Variants in ZNF365 observed in about 807,000 individuals in gnomAD.
The protein encoded by ZNF365 is zinc finger protein 365.
ZNF365 carries 22 observed loss-of-function variants against 35.0 expected under a neutral mutation model. The ratio of observed to expected loss-of-function variants is 0.63; its 90% confidence interval spans 0.45 to 0.90. The LOEUF (loss-of-function observed/expected upper bound fraction) is 0.90. Ranked by LOEUF, ZNF365 falls within the 40% of genes least tolerant of loss-of-function variation. The pLI is 0.00. For missense variants in ZNF365, 448 were observed against 500.3 expected, an observed-to-expected ratio of 0.90 and a Z score of 1.00; for synonymous variants, 188 against 196.2, an observed-to-expected ratio of 0.96 and a Z score of 0.35.
chr10:62,465,207 G>C, intron 4 of ZNF365, among the ~76,000 whole-genome samples: 1 of 152,196 alleles, frequency 6.6e-6, no homozygotes, highest in East Asian at 1.9e-4. Flanking sequence ...TCGCAACCTG[G>C]TCAGGTTGCA....
In ZNF365 at chr10:62,402,195, G is replaced by T; in HGVS notation, c.*2406G>T. 3 of 985,982 alleles carry T rather than the reference G, an allele frequency of 3.0e-6. No individual in the cohort carries two copies. The highest frequency in any genetic ancestry group is 3.6e-6 in the Non-Finnish European group (3 of 829,924). The allele number at this position is 985,982 out of a possible 1,614,324, so 61.1% of individuals were successfully genotyped here. ...AAGTTTCTGGGAAACTATGTTCAAGGTTGAAATGGAGAGTAGATTTAATTT... is the reference window on the plus strand; with the variant it reads ...AAGTTTCTGGGAAACTATGTTCAAGTTTGAAATGGAGAGTAGATTTAATTT... On this transcript the variant is annotated 3_prime_UTR_variant, in exon 5 of 5. Transcript: ENST00000395254.
At position 62,400,182 on chromosome 10, in the gene ZNF365, A is replaced by C; in HGVS notation, c.*393A>C. The stretch of plus-strand genomic sequence containing the variant: ...ATTCATCTGTGCCCACTGCTCTCCA[A>C]AGTGCGAGGCAAGGAATGGCAGTGT... On this transcript the variant is annotated 3_prime_UTR_variant, in exon 5 of 5. Coordinates refer to ENST00000395254, the MANE Select transcript of ZNF365 (RefSeq NM_014951.3). 9.9e-7 allele frequency: 1 copy of C among 1,008,092 alleles called. No homozygotes were observed. Among genetic ancestry groups the C allele is most frequent in the Non-Finnish European group, 1.2e-6 (1 of 842,878 alleles). 62.4% of individuals were successfully genotyped at this position (1,008,092 alleles called of 1,614,324 possible).
At chr10:62,426,620 C>T (rs1008460566) in intron 3 of ZNF365, among the ~76,000 whole-genome samples, 4 of 152,030 alleles carry the variant, frequency 2.6e-5, no homozygotes, top group African/African-American at 7.2e-5. Context: ...AGGTAGAAGA[C>T]AGGAGCAAGA....
At chr10:62,434,018 A>G (rs1840370273) in intron 3 of ZNF365, among the ~76,000 whole-genome samples, 1 of 152,096 alleles carries the variant, frequency 6.6e-6, no homozygotes, top group African/African-American at 2.4e-5. Context: ...GTAAATGAAA[A>G]TGTGTGTGTT....
At position 62,388,445 on chromosome 10, in the gene ZNF365, G is replaced by A. The variant is rs763110946; in HGVS notation, c.793G>A (p.Val265Ile). Residue 265 changes from valine to isoleucine, a missense_variant, in exon 3 of 5, where the codon GTT becomes ATT. This residue lies in a region of ZNF365 where 362 missense variants were observed against 375.7 expected (regional missense o/e 0.96). Coordinates refer to ENST00000395254, the MANE Select transcript of ZNF365 (RefSeq NM_014951.3). ...HFLEAAAEKE[V>I]QGKARLQDFI... is the part of the protein sequence containing the mutation. ...CCTGGAAGCGGCAGCTGAGAAGGAG[G>A]TTCAAGGGAAAGCCCGGCTCCAGGA... The A allele has an allele frequency of 5.6e-6, 9 of 1,614,148 alleles. No individual in the cohort carries two copies. The highest frequency in any genetic ancestry group is 4.5e-5 in the East Asian group (2 of 44,904).
At chr10:62,430,296 TCAGCCTC>T (rs1456310603) in intron 3 of ZNF365, among the ~76,000 whole-genome samples, 5 of 133,040 alleles carry the variant, frequency 3.8e-5, no homozygotes, top group African/African-American at 1.4e-4. Context: ...TTCTCCTGCC[TCAGCCTC>T]CTGAGTAGCT....
intron 4 of ZNF365, among the ~76,000 whole-genome samples, chr10:62,479,308 C>A (rs1841183225): frequency 1.3e-5 from 2 of 152,200 alleles, no homozygotes; most frequent in Non-Finnish European, 2.9e-5. Flanking sequence ...CATAATTACT[C>A]TTAATTTTAG....
rs1368422805 is a variant in ZNF365, at chr10:62,402,408, AG to A, written c.*2620del. 3 of 984,712 alleles carry A rather than the reference AG, an allele frequency of 3.0e-6. No homozygotes were observed. In the African/African-American group the frequency reaches 5.2e-5, roughly 17 times the overall value. 61.0% of individuals were successfully genotyped at this position (984,712 alleles called of 1,614,324 possible). A position where few individuals can be genotyped will look rare whatever the true frequency, so the allele number is the denominator to read the frequency against. ...CTGTTCCAGAATTAAAGAAGTTTTT[AG>A]ATTATGAAATATTATGATAATAAAG... On this transcript the variant is annotated 3_prime_UTR_variant, in exon 5 of 5. Coordinates refer to ENST00000395254, the MANE Select transcript of ZNF365 (RefSeq NM_014951.3).
At chr10:62,442,366 A>G (rs560764814) in intron 3 of ZNF365, among the ~76,000 whole-genome samples, 1 of 152,360 alleles carries the variant, frequency 6.6e-6, no homozygotes, top group South Asian at 2.1e-4. Flanking sequence ...TGTAAATTCC[A>G]TACATTGACT....
At chr10:62,432,583 A>T (rs934313326) in intron 3 of ZNF365, among the ~76,000 whole-genome samples, 1 of 152,210 alleles carries the variant, frequency 6.6e-6, no homozygotes, top group Non-Finnish European at 1.5e-5. Context: ...TAAGCCCCTT[A>T]CTTAAACAAT....
chr10:62,390,209 G>A (rs959845489), intron 3 of ZNF365, among the ~76,000 whole-genome samples: 4 of 152,114 alleles, frequency 2.6e-5, no homozygotes, highest in Non-Finnish European at 5.9e-5. Context: ...TGAAGGGGTT[G>A]GATTCAGTGC....
chr10:62,386,846 G>C lies in ZNF365; in HGVS notation c.744-1550G>C, dbSNP rs909212427. On this transcript the variant is annotated intron_variant, in intron 2 of 4. Transcript: ENST00000395254. The stretch of plus-strand genomic sequence containing the variant: ...ATCAAGTGGAGGTTGAGAAGATGTA[G>C]AGAAGCCAATGAATTTAATTAACTG... 5.2e-4 allele frequency among the ~76,000 whole-genome samples: 79 copies of C among 152,066 alleles called. 1 individual carries two copies. Among genetic ancestry groups the C allele is most frequent in the African/African-American group, 1.7e-3 (70 of 41,306 alleles).
At chr10:62,387,039 T>C (rs1280794373) in intron 2 of ZNF365, among the ~76,000 whole-genome samples, 3 of 152,164 alleles carry the variant, frequency 2.0e-5, no homozygotes, top group Non-Finnish European at 2.9e-5. Context: ...TTTGGAGACA[T>C]GTAAAGGAAA....
chr10:62,478,482 T>C (rs1183481326), intron 4 of ZNF365, among the ~76,000 whole-genome samples: 1 of 152,234 alleles, frequency 6.6e-6, no homozygotes, highest in East Asian at 1.9e-4. Flanking sequence ...GAAAGAATTA[T>C]AGAACATGAT....
At chr10:62,451,306 C>G (rs1032375765) in intron 3 of ZNF365, among the ~76,000 whole-genome samples, 1 of 152,138 alleles carries the variant, frequency 6.6e-6, no homozygotes, top group African/African-American at 2.4e-5. Flanking sequence ...GCTTGTGGTG[C>G]CTGCCTGAGC....
intron 3 of ZNF365, among the ~76,000 whole-genome samples, chr10:62,394,589 A>G (rs1420342374): frequency 6.6e-6 from 1 of 152,214 alleles, no homozygotes; most frequent in Non-Finnish European, 1.5e-5. Flanking sequence ...CATTTTTCAG[A>G]GCATAAAGAT....
intron 3 of ZNF365, among the ~76,000 whole-genome samples, chr10:62,397,704 G>T (rs1443463285): frequency 1.3e-5 from 2 of 152,188 alleles, no homozygotes; most frequent in African/African-American, 4.8e-5. Flanking sequence ...CAGCCTCAGG[G>T]ACATTTGTGG....
chr10:62,399,420 T>C (rs1009712460), intron 4 of ZNF365, 108 bp from the exon 5 acceptor site: 2 of 1,481,808 alleles, frequency 1.3e-6, no homozygotes, highest in Admixed American at 4.3e-5. Flanking sequence ...TTATCACCAC[T>C]GTAGCATGTA....
chr10:62,402,810 A>G (rs1358520196), downstream of ZNF365, among the ~76,000 whole-genome samples: 2 of 152,236 alleles, frequency 1.3e-5, no homozygotes, highest in African/African-American at 4.8e-5. Flanking sequence ...CAGCCTGTAT[A>G]TGCTATACAT....
Sources: allele counts gnomAD v4.1 joint callset (sites outside exome capture counted in the v4.1 genomes callset), GRCh38; gene constraint gnomAD v4.1.1; regional missense constraint gnomAD v4.1.1; transcripts MANE v1.5; gene names NCBI Gene and HGNC (gene_info 2026-07-23, HGNC 2026-07-21).